Variants in KLHL5 observed in about 807,000 individuals in gnomAD.
The protein encoded by KLHL5 is kelch-like protein 5.
In KLHL5, 48 loss-of-function variants were observed where a neutral mutation model predicts 77.7. That is an observed-to-expected ratio of 0.62 (90% CI 0.49 to 0.79). KLHL5 has a LOEUF of 0.79. Among genes scored for constraint, KLHL5 ranks in the 30% least tolerant of loss-of-function variants. The pLI is 0.00. For missense variants in KLHL5, 723 were observed against 859.7 expected, an observed-to-expected ratio of 0.84 and a Z score of 1.99; for synonymous variants, 260 against 297.0, an observed-to-expected ratio of 0.88 and a Z score of 1.28.
chr4:39,071,930 T>C (rs1718513810), intron 1 of KLHL5, among the ~76,000 whole-genome samples: 1 of 152,232 alleles, frequency 6.6e-6, no homozygotes, highest in South Asian at 2.1e-4. Flanking sequence ...TGGTATCATA[T>C]AAGCAAAACT....
downstream of KLHL5, among the ~76,000 whole-genome samples, chr4:39,130,839 T>C (rs1407146530): frequency 1.3e-5 from 2 of 151,898 alleles, no homozygotes; most frequent in African/African-American, 2.4e-5. Flanking sequence ...AGATTACAAA[T>C]AATTCTTTTT....
intron 6 of KLHL5, among the ~76,000 whole-genome samples, chr4:39,102,977 T>G (rs2109517935): frequency 6.6e-6 from 1 of 152,294 alleles, no homozygotes; most frequent in Non-Finnish European, 1.5e-5. Context: ...CTTTCTTCCT[T>G]TGGCTTCCAT....
intron 1 of KLHL5, among the ~76,000 whole-genome samples, chr4:39,049,052 A>G (rs1330035188): frequency 6.6e-6 from 1 of 152,180 alleles, no homozygotes; most frequent in Admixed American, 6.5e-5. Flanking sequence ...GGGGAAATGC[A>G]TTTCTACCAT....
chr4:39,096,334 C>T (rs986528054), intron 5 of KLHL5, among the ~76,000 whole-genome samples: 1 of 151,972 alleles, frequency 6.6e-6, no homozygotes, highest in Non-Finnish European at 1.5e-5. Context: ...TATAATTATT[C>T]TTCCATTAGA....
chr4:39,112,023 A>G (rs1722483741), intron 8 of KLHL5, among the ~76,000 whole-genome samples: 2 of 152,188 alleles, frequency 1.3e-5, no homozygotes, highest in Admixed American at 6.5e-5. Context: ...TTCAAAATGT[A>G]TAATCTTTTC....
the KLHL5 span, among the ~76,000 whole-genome samples, chr4:39,141,782 A>C: frequency 6.6e-6 from 1 of 152,180 alleles, no homozygotes; most frequent in African/African-American, 2.4e-5. Flanking sequence ...TATTTAAAAA[A>C]AGAAAAGAAA....
intron 6 of KLHL5, among the ~76,000 whole-genome samples, chr4:39,101,920 A>T (rs1721598941): frequency 7.0e-6 from 1 of 142,836 alleles, no homozygotes; most frequent in Non-Finnish European, 1.5e-5. Flanking sequence ...ACATATATAT[A>T]TACATATATA....
At chr4:39,103,628 C>A in intron 7 of KLHL5, 117 bp downstream of exon 7, 1 of 742,348 alleles carries the variant, frequency 1.3e-6, no homozygotes, top group Non-Finnish European at 2.3e-6. Flanking sequence ...AGTCACCAAG[C>A]ATTCCTCACA....
upstream of KLHL5, chr4:39,044,962 C>T (rs1439798161): frequency 1.2e-6 from 1 of 833,450 alleles, no homozygotes; most frequent in African/African-American, 6.3e-5. Flanking sequence ...TGAGGCTGCC[C>T]GGACAGGGTC....
intron 10 of KLHL5, among the ~76,000 whole-genome samples, chr4:39,120,705 T>C (rs1174388239): frequency 6.6e-6 from 1 of 152,268 alleles, no homozygotes; most frequent in African/African-American, 2.4e-5. Flanking sequence ...CCATACTGTG[T>C]ATCATTTTGG....
chr4:39,101,911 CAT>C lies in KLHL5; in HGVS notation c.1301-1366_1301-1365del, dbSNP rs1359643202. Among the ~76,000 whole-genome samples the C allele has an allele frequency of 2.5e-3, 363 of 142,930 alleles. 8 individuals carry two copies. In the South Asian group the frequency reaches 0.034, roughly 13 times the overall value. The allele number at this position is 142,930 out of a possible 152,430, so 93.8% of individuals were successfully genotyped here. ...ACACACACACATATACACACACACA[CAT>C]ATATATATACATATATACACACATA... On this transcript the variant is annotated intron_variant, in intron 6 of 10. Coordinates refer to ENST00000504108, the MANE Select transcript of KLHL5 (RefSeq NM_015990.5).
Position 39,062,552 on chromosome 4 carries a change from T to C in KLHL5, c.-101T>C, listed in dbSNP as rs1421875075. On this transcript the variant is annotated 5_prime_UTR_variant, in exon 1 of 11. Coordinates refer to ENST00000504108, the MANE Select transcript of KLHL5 (RefSeq NM_015990.5). ...TATTTTCCTTTACATATTTTTGTTG[T>C]GTACAGCAGGGCATATACTTCTCTT... 1 of 1,612,924 alleles carries C rather than the reference T, an allele frequency of 6.2e-7. No individual in the cohort carries two copies. Among genetic ancestry groups the C allele is most frequent in the Admixed American group, 1.7e-5 (1 of 59,982 alleles).
the KLHL5 span, among the ~76,000 whole-genome samples, chr4:39,134,967 G>C: frequency 1.3e-5 from 2 of 152,314 alleles, no homozygotes; most frequent in Middle Eastern, 6.8e-3. Context: ...GCCACCTAAG[G>C]AGGATGCGTC....
rs36042316 is a variant in KLHL5 at position 39,125,164 on chromosome 4, G to GAA, written c.*4105_*4106dup. On this transcript the variant is annotated 3_prime_UTR_variant, in exon 11 of 11. Coordinates refer to ENST00000504108, the MANE Select transcript of KLHL5 (RefSeq NM_015990.5). ...ATAGACCTAGGATCTAAACCTACAG[G>GAA]AAAAAAAATGAATAATAGAGAAAAT... Among the ~76,000 whole-genome samples, 368 of 151,534 alleles carry GAA rather than the reference G, an allele frequency of 2.4e-3. 1 individual carries two copies. Among genetic ancestry groups the GAA allele is most frequent in the Non-Finnish European group, 3.3e-3 (225 of 67,904 alleles).
At chr4:39,068,595 T>G (rs1718119996) in intron 1 of KLHL5, among the ~76,000 whole-genome samples, 1 of 152,126 alleles carries the variant, frequency 6.6e-6, no homozygotes, top group Non-Finnish European at 1.5e-5. Context: ...AGGAAGTTAT[T>G]GAATCATAAT....
Position 39,062,817 on chromosome 4 carries a change from T to A in KLHL5, c.165T>A (p.Asp55Glu). ...TGANGGRKFL[D>E]PCSLQLPLAS... The stretch of plus-strand genomic sequence containing the variant: ...CAAACGGTGGGAGAAAGTTTTTAGA[T>A]CCATGTAGCCTACAATTGCCTTTGG... Residue 55 changes from aspartate to glutamate, a missense_variant, in exon 1 of 11, where the codon GAT (aspartate) becomes GAA (glutamate). By Grantham distance (45) the Asp-to-Glu change is conservative. Transcript: ENST00000504108. The A allele has an allele frequency of 6.2e-7, 1 of 1,614,096 alleles. No individual in the cohort carries two copies. The highest frequency in any genetic ancestry group is 8.5e-7 in the Non-Finnish European group (1 of 1,179,988).
At position 39,115,269 on chromosome 4, in the gene KLHL5, A is replaced by T. The variant is rs1722753386; in HGVS notation, c.2012A>T (p.Asp671Val). 2 of 1,613,882 alleles carry T rather than the reference A, an allele frequency of 1.2e-6. No individual in the cohort carries two copies. The highest frequency in any genetic ancestry group is 1.7e-6 in the Non-Finnish European group (2 of 1,179,900). Residue 671 changes from aspartate to valine, a missense_variant, in exon 10 of 11, where the codon GAT becomes GTT. Physicochemically the swap from Asp to Val is radical, Grantham distance 152 (BLOSUM62 -3). Coordinates refer to ENST00000504108, the MANE Select transcript of KLHL5 (RefSeq NM_015990.5). ...GDKLYAVGGY[D>V]GQAYLNTVEA... ...AAGTTATATGCTGTTGGGGGGTATG[A>T]TGGACAGGCATACCTTAATACTGTG...
chr4:39,080,334 C>T (rs563274617), intron 2 of KLHL5, among the ~76,000 whole-genome samples: 22 of 152,032 alleles, frequency 1.4e-4, no homozygotes, highest in Middle Eastern at 3.4e-3. Flanking sequence ...CAAGACCAAC[C>T]TGGCCATCAT....
chr4:39,109,882 T>C (rs983325094), intron 8 of KLHL5, among the ~76,000 whole-genome samples: 5 of 142,636 alleles, frequency 3.5e-5, no homozygotes, highest in Non-Finnish European at 6.2e-5. Flanking sequence ...CAGGGTTATT[T>C]ACCATGTCGG....
Sources: allele counts gnomAD v4.1 joint callset (sites outside exome capture counted in the v4.1 genomes callset), GRCh38; gene constraint gnomAD v4.1.1; transcripts MANE v1.5; gene names NCBI Gene and HGNC (gene_info 2026-07-23, HGNC 2026-07-21).